CTNNA3: variants seen among roughly 807,000 people sequenced by gnomAD.
CTNNA3 encodes catenin alpha-3.
In CTNNA3, 76 loss-of-function variants were observed where a neutral mutation model predicts 95.7. The observed-to-expected ratio is 0.79, with a 90% CI of 0.66 to 0.96. CTNNA3 has a LOEUF of 0.96. Among genes scored for constraint, CTNNA3 ranks in the 40% least tolerant of loss-of-function variants. The pLI, the probability that CTNNA3 is intolerant of heterozygous loss-of-function variation, is 0.00. For missense variants in CTNNA3, 1,191 were observed against 1,089.8 expected (o/e 1.09, Z -1.31); for synonymous variants, 431 against 374.4 (o/e 1.15, Z -1.74).
intron 5 of CTNNA3, among the ~76,000 whole-genome samples, chr10:67,471,292 C>T (rs557211548): frequency 6.6e-6 from 1 of 152,298 alleles, no homozygotes; most frequent in Admixed American, 6.5e-5. Flanking sequence ...GCCAAATGTC[C>T]CCTCTAGGGT....
At chr10:67,401,357 A>G (rs556269760) in intron 5 of CTNNA3, among the ~76,000 whole-genome samples, 1 of 152,318 alleles carries the variant, frequency 6.6e-6, no homozygotes, top group South Asian at 2.1e-4. Context: ...CTCCCACAGA[A>G]AGAGACCCAA....
chr10:66,888,391 T>C (rs1845127410), intron 7 of CTNNA3, among the ~76,000 whole-genome samples: 1 of 152,176 alleles, frequency 6.6e-6, no homozygotes, highest in African/African-American at 2.4e-5. Flanking sequence ...GTGATGTCCA[T>C]GCTGAACTTC....
intron 10 of CTNNA3, among the ~76,000 whole-genome samples, chr10:66,597,526 A>G (rs1237069802): frequency 9.4e-6 from 1 of 105,866 alleles, no homozygotes; most frequent in South Asian, 3.1e-4. Context: ...ATATATATAT[A>G]TATATATATA....
At chr10:66,368,814 T>A (rs2092732037) in intron 12 of CTNNA3, among the ~76,000 whole-genome samples, 1 of 152,148 alleles carries the variant, frequency 6.6e-6, no homozygotes, top group East Asian at 1.9e-4. Flanking sequence ...CATCCATACT[T>A]TAATTCCTCT....
intron 7 of CTNNA3, among the ~76,000 whole-genome samples, chr10:66,788,405 GA>G (rs1840832232): frequency 6.6e-6 from 1 of 152,124 alleles, no homozygotes; most frequent in Non-Finnish European, 1.5e-5. Flanking sequence ...CCAGTTGCAG[GA>G]GATTGCTGTG....
intron 16 of CTNNA3, among the ~76,000 whole-genome samples, chr10:65,984,485 T>C (rs1203410051): frequency 6.6e-6 from 1 of 151,378 alleles, no homozygotes; most frequent in African/African-American, 2.4e-5. Context: ...AAAAGAGTCA[T>C]CTATAATTCT....
intron 5 of CTNNA3, among the ~76,000 whole-genome samples, chr10:67,310,123 G>A (rs1045797833): frequency 6.6e-6 from 1 of 152,126 alleles, no homozygotes; most frequent in Non-Finnish European, 1.5e-5. Flanking sequence ...TGGAGATAAG[G>A]GAAGGCAAAG....
Position 66,570,689 on chromosome 10 carries a change from T to TA in CTNNA3, c.1375-49917dup, listed in dbSNP as rs77224637. On this transcript the variant is annotated intron_variant, in intron 10 of 17. Coordinates refer to ENST00000433211, the MANE Select transcript of CTNNA3 (RefSeq NM_013266.4). The stretch of plus-strand genomic sequence containing the variant: ...ACACAGGTCTCAGATGGAGCAAAAG[T>TA]AAAAAAAAAAAAATTAAAAAATAAA... Among the ~76,000 whole-genome samples, 483 of 137,818 alleles carry TA rather than the reference T, an allele frequency of 3.5e-3. 2 individuals carry two copies. Among genetic ancestry groups the TA allele is most frequent in the African/African-American group, 0.011 (397 of 37,446 alleles). 90.4% of individuals were successfully genotyped at this position (137,818 alleles called of 152,430 possible).
rs112075327 is a variant in CTNNA3 at position 66,463,886 on chromosome 10, A to ATTT, written c.1531+56728_1531+56730dup. 0.021 allele frequency among the ~76,000 whole-genome samples: 2,989 copies of ATTT among 143,720 alleles called. 193 individuals are homozygous for ATTT. The East Asian group carries it at 0.24, about 11-fold the overall frequency. The allele number at this position is 143,720 out of a possible 152,430, so 94.3% of individuals were successfully genotyped here. On this transcript the variant is annotated intron_variant, in intron 11 of 17. Coordinates refer to ENST00000433211, the MANE Select transcript of CTNNA3 (RefSeq NM_013266.4). ...GAACAGAGGGAGCAGTCACTTTCCA[A>ATTT]TTTTTTTTTTTTTTTTACAAATAAG...
At chr10:67,537,703 A>G (rs941787528) in intron 4 of CTNNA3, among the ~76,000 whole-genome samples, 1 of 152,184 alleles carries the variant, frequency 6.6e-6, no homozygotes, top group Non-Finnish European at 1.5e-5. Context: ...TTTAGAGTCT[A>G]AAATAGGAAT....
chr10:66,194,887 A>G (rs1372216615), intron 13 of CTNNA3, among the ~76,000 whole-genome samples: 1 of 152,200 alleles, frequency 6.6e-6, no homozygotes, highest in Non-Finnish European at 1.5e-5. Context: ...ACAAAGGTGA[A>G]GAGAATCCCT....
intron 9 of CTNNA3, among the ~76,000 whole-genome samples, chr10:66,685,340 TATATATATATA>T (rs1376574451): frequency 1.1e-5 from 1 of 87,422 alleles, no homozygotes; most frequent in Non-Finnish European, 2.2e-5. Context: ...TATATATATA[TATATATATATA>T]TTTTTTTTTT....
At chr10:66,338,411 A>G (rs2092419399) in intron 12 of CTNNA3, among the ~76,000 whole-genome samples, 1 of 152,000 alleles carries the variant, frequency 6.6e-6, no homozygotes, top group South Asian at 2.1e-4. Flanking sequence ...AACATCACTA[A>G]CTTTTATTCT....
intron 2 of CTNNA3, among the ~76,000 whole-genome samples, chr10:67,627,811 G>T (rs7072321): frequency 0.13 from 20,091 of 151,616 alleles, 2,389 homozygotes; most frequent in African/African-American, 0.32. Context: ...TAGGTTTTCA[G>T]TAGAAACTAG....
intron 1 of CTNNA3, among the ~76,000 whole-genome samples, chr10:67,759,363 A>C (rs889678858): frequency 3.3e-5 from 5 of 152,242 alleles, no homozygotes; most frequent in Non-Finnish European, 7.3e-5. Context: ...AGCCTCTAAA[A>C]CTCTGCAGTT....
chr10:66,969,157 C>A (rs560355272), intron 7 of CTNNA3, among the ~76,000 whole-genome samples: 1 of 152,012 alleles, frequency 6.6e-6, no homozygotes, highest in East Asian at 1.9e-4. Flanking sequence ...TTTTAAAAAT[C>A]AAATATTAAT....
At chr10:66,901,998 G>C (rs1429166486) in intron 7 of CTNNA3, among the ~76,000 whole-genome samples, 1 of 152,130 alleles carries the variant, frequency 6.6e-6, no homozygotes, top group Non-Finnish European at 1.5e-5. Flanking sequence ...GGATATTCAT[G>C]GTTTGAACTC....
intron 15 of CTNNA3, among the ~76,000 whole-genome samples, chr10:66,066,165 C>G (rs536832180): frequency 1.3e-5 from 2 of 152,066 alleles, no homozygotes; most frequent in Admixed American, 6.6e-5. Flanking sequence ...ACCTAGCCAC[C>G]AAGATGATAT....
intron 14 of CTNNA3, among the ~76,000 whole-genome samples, chr10:66,075,056 T>C (rs1409288885): frequency 6.6e-6 from 1 of 151,874 alleles, no homozygotes; most frequent in Non-Finnish European, 1.5e-5. Context: ...GATTCATTTC[T>C]CTTATGCACT....
Sources: gnomAD v4.1 joint callset for allele counts (sites outside exome capture counted in the v4.1 genomes callset) on GRCh38, gnomAD v4.1.1 for gene constraint, MANE v1.5 for transcripts, NCBI Gene and HGNC (gene_info 2026-07-23, HGNC 2026-07-21) for gene names.